TARS1: variants seen among roughly 807,000 people sequenced by gnomAD.
TARS1 encodes the protein threonyl-tRNA synthetase 1.
In TARS1, 57 loss-of-function variants were observed where a neutral mutation model predicts 97.7. The ratio of observed to expected loss-of-function variants is 0.58; its 90% CI spans 0.47 to 0.73. TARS1 has a LOEUF of 0.73. Ranked by LOEUF, TARS1 falls within the 30% of genes least tolerant of loss-of-function variation. The probability of loss-of-function intolerance (pLI) is 0.00; values close to 1 mark genes in which losing one functional copy is unlikely to be tolerated. For synonymous variants in TARS1, 312 were observed against 293.7 expected (o/e 1.06, Z -0.64); for missense variants, 806 against 888.3 (o/e 0.91, Z 1.18).
Position 33,459,786 on chromosome 5 carries a change from A to G in TARS1, c.1175A>G (p.Tyr392Cys), listed in dbSNP as rs761139882. 1 of 1,614,186 alleles carries G rather than the reference A, an allele frequency of 6.2e-7. No individual in the cohort carries two copies. The highest frequency in any genetic ancestry group is 2.2e-5 in the East Asian group (1 of 44,882). Residue 392 changes from tyrosine (Y) to cysteine (C), a missense_variant, in exon 11 of 19, where the codon TAC becomes TGC. By Grantham distance (194) the Tyr-to-Cys change is radical. Coordinates refer to ENST00000265112, the MANE Select transcript of TARS1 (RefSeq NM_152295.5). ...ATGACCTCGGGCCACTGGCAGCACT[A>G]CAGCGAGAACATGTTCTCCTTTGAG... is the stretch of plus-strand genomic sequence containing the variant. Reference protein sequence around the residue: ...LWMTSGHWQHYSENMFSFEVE... With the variant: ...LWMTSGHWQHCSENMFSFEVE...
chr5:33,453,183 TA>T lies in TARS1; in HGVS notation c.330-99del, dbSNP rs556193539. The T allele has an allele frequency of 1.1e-5, 14 of 1,270,572 alleles. No individual in the cohort carries two copies. The East Asian group carries it at 3.6e-4, about 33-fold the overall frequency. 78.7% of individuals were successfully genotyped at this position (1,270,572 alleles called of 1,614,324 possible). On this transcript the variant is annotated intron_variant, in intron 3 of 18. Transcript: ENST00000265112. ...TCAGAAAAATAGAGATACATCAATA[TA>T]AAAAAACAATATATAATAAAAATAG...
At chr5:33,453,209 G>A in intron 3 of TARS1, 80 bp from the exon 4 acceptor site, 1 of 1,330,878 alleles carries the variant, frequency 7.5e-7, no homozygotes, top group Non-Finnish European at 9.7e-7. Flanking sequence ...AATAAAAATA[G>A]TGTTTATTTT....
At chr5:33,449,206 G>A (rs1741580132) in intron 3 of TARS1, among the ~76,000 whole-genome samples, 1 of 151,900 alleles carries the variant, frequency 6.6e-6, no homozygotes, top group Non-Finnish European at 1.5e-5. Context: ...TCAATTAACT[G>A]AGAATTAGAT....
chr5:33,443,746 C>T (rs1028481885), intron 1 of TARS1, among the ~76,000 whole-genome samples: 6 of 152,108 alleles, frequency 3.9e-5, no homozygotes, highest in Non-Finnish European at 5.9e-5. Context: ...CTGCCCGCCT[C>T]GGCCTCCCAA....
intron 17 of TARS1, among the ~76,000 whole-genome samples, chr5:33,464,524 A>G (rs1224297490): frequency 6.6e-6 from 1 of 152,222 alleles, no homozygotes; most frequent in Non-Finnish European, 1.5e-5. Flanking sequence ...AGGAATTTCA[A>G]ATTATTAAAA....
At chr5:33,460,028 C>CA in intron 11 of TARS1, 167 bp downstream of exon 11, 12 of 379,720 alleles carry the variant, frequency 3.2e-5, no homozygotes, top group Non-Finnish European at 5.3e-5. Flanking sequence ...TAGATCCCCA[C>CA]TTTTTTTTTT....
chr5:33,442,225 G>C lies in TARS1; in HGVS notation c.57+1082G>C, dbSNP rs1268283349. On this transcript the variant is annotated intron_variant, in intron 1 of 18. Coordinates refer to ENST00000265112, the MANE Select transcript of TARS1 (RefSeq NM_152295.5). ...AGATTGAATGGAGAAACTGCATACG[G>C]GCACATTCTAACTATGTAAATTTAA... Among the ~76,000 whole-genome samples, 7 of 151,894 alleles carry C rather than the reference G, an allele frequency of 4.6e-5. No homozygotes were observed. The East Asian group carries it at 1.3e-3, about 29-fold the overall frequency.
intron 17 of TARS1, 40 bp from the exon 18 acceptor site, chr5:33,466,831 G>T: frequency 7.0e-7 from 1 of 1,428,364 alleles, no homozygotes; most frequent in South Asian, 1.2e-5. Context: ...ATATAATTCT[G>T]ATTTTAGATC....
At chr5:33,465,913 A>G (rs1742509276) in intron 17 of TARS1, 1 of 152,198 alleles carries the variant, frequency 6.6e-6, no homozygotes, top group Non-Finnish European at 1.5e-5. Flanking sequence ...TAAGTAGAGT[A>G]TGATAGTTAC....
intron 3 of TARS1, among the ~76,000 whole-genome samples, chr5:33,450,530 A>G (rs1394746550): frequency 1.3e-5 from 2 of 152,186 alleles, no homozygotes. Flanking sequence ...CCTTACTCCA[A>G]AGGAAGTAAA....
At chr5:33,443,306 C>CCTCTAT (rs1741212065) in intron 1 of TARS1, among the ~76,000 whole-genome samples, 1 of 85,512 alleles carries the variant, frequency 1.2e-5, no homozygotes, top group Admixed American at 1.3e-4. Context: ...GTGGTGATTC[C>CCTCTAT]CTCTCTCTCT....
intron 2 of TARS1, chr5:33,446,600 C>A: frequency 8.8e-7 from 1 of 1,139,014 alleles, no homozygotes. Flanking sequence ...TGGTCTTCCC[C>A]TCCAAGGGCA....
intron 18 of TARS1, 147 bp downstream of exon 18, chr5:33,467,132 A>G (rs1742563167): frequency 3.2e-6 from 1 of 315,432 alleles, no homozygotes; most frequent in Admixed American, 5.0e-5. Context: ...TTTAATATAT[A>G]ATAACTATAA....
intron 16 of TARS1, 123 bp downstream of exon 16, chr5:33,462,326 G>A (rs543866643): frequency 9.4e-6 from 8 of 847,622 alleles, no homozygotes; most frequent in South Asian, 7.1e-5. Flanking sequence ...TCTAACTAAC[G>A]ACAAGTGTTC....
Position 33,445,430 on chromosome 5 carries a change from C to G in TARS1, c.138+26C>G, listed in dbSNP as rs750883812. On this transcript the variant is annotated intron_variant, in intron 2 of 18. Coordinates refer to ENST00000265112, the MANE Select transcript of TARS1 (RefSeq NM_152295.5). ...GTAAAAGTTATCATCACAGAGGGCT[C>G]TGTTATCAGAGGTTGGCAAATCGCA... The G allele has an allele frequency of 3.7e-6, 6 of 1,603,900 alleles. No homozygotes were observed. In the Admixed American group the frequency reaches 5.0e-5, roughly 13 times the overall value.
intron 9 of TARS1, among the ~76,000 whole-genome samples, chr5:33,458,136 A>G (rs1376476818): frequency 6.6e-6 from 1 of 152,120 alleles, no homozygotes; most frequent in Non-Finnish European, 1.5e-5. Context: ...ACCATCATCT[A>G]TTTCATTATC....
chr5:33,458,500 T>G (rs1450037821), intron 9 of TARS1, 66 bp from the exon 10 acceptor site: 1 of 1,378,612 alleles, frequency 7.3e-7, no homozygotes, highest in Non-Finnish European at 1.0e-6. Flanking sequence ...ACACTGAAAT[T>G]TATGTATATA....
chr5:33,458,697 T>G (rs1374854431), intron 10 of TARS1, 33 bp downstream of exon 10: 1 of 1,504,488 alleles, frequency 6.6e-7, no homozygotes, highest in Non-Finnish European at 9.2e-7. Context: ...TTCTTTAGAT[T>G]TAGGATATGT....
intron 2 of TARS1, 103 bp downstream of exon 2, chr5:33,445,507 G>A (rs767661327): frequency 1.0e-6 from 1 of 962,574 alleles, no homozygotes; most frequent in Non-Finnish European, 1.6e-6. Flanking sequence ...GGTTTACATG[G>A]TAGTGTAAGA....
Sources: allele counts gnomAD v4.1 joint callset (sites outside exome capture counted in the v4.1 genomes callset), GRCh38; gene constraint gnomAD v4.1.1; transcripts MANE v1.5; gene names NCBI Gene and HGNC (gene_info 2026-07-23, HGNC 2026-07-21).